The following INPP4B variants were observed in gnomAD, a reference collection of about 807,000 sequenced individuals.
INPP4B encodes inositol polyphosphate 4-phosphatase type II.
A neutral mutation model predicts 122.5 loss-of-function variants in INPP4B; 55 were observed. The ratio of observed to expected loss-of-function variants is 0.45; its 90% CI spans 0.36 to 0.56. The LOEUF is 0.56. Ranked by LOEUF, INPP4B falls within the 20% of genes least tolerant of loss-of-function variation. INPP4B has a pLI of 0.00. For synonymous variants in INPP4B, 403 were observed against 388.7 expected, an observed-to-expected ratio of 1.04 and a Z score of -0.43; for missense variants, 1,000 against 1,097.7, an observed-to-expected ratio of 0.91 and a Z score of 1.26.
At chr4:142,301,392 G>C (rs1287331057) in intron 9 of INPP4B, among the ~76,000 whole-genome samples, 5 of 152,160 alleles carry the variant, frequency 3.3e-5, no homozygotes, top group Middle Eastern at 3.4e-3. Context: ...AAATGGACAA[G>C]GAAGAAAAAA....
At chr4:142,806,514 G>A (rs1169753360) in intron 1 of INPP4B, among the ~76,000 whole-genome samples, 1 of 151,772 alleles carries the variant, frequency 6.6e-6, no homozygotes, top group Non-Finnish European at 1.5e-5. Context: ...GGCCAAGGGG[G>A]GTGAATCACT....
At chr4:142,132,459 A>AT (rs771445917) in intron 18 of INPP4B, among the ~76,000 whole-genome samples, 61 of 151,666 alleles carry the variant, frequency 4.0e-4, no homozygotes, top group African/African-American at 6.5e-4. Flanking sequence ...CGCAGTCAAT[A>AT]TTTTTTTTTA....
At chr4:142,275,344 A>G (rs1579557017) in intron 9 of INPP4B, among the ~76,000 whole-genome samples, 1 of 151,898 alleles carries the variant, frequency 6.6e-6, no homozygotes, top group Non-Finnish European at 1.5e-5. Flanking sequence ...AAACCAAAAA[A>G]TGACTCTGTA....
chr4:142,482,096 A>G (rs1041088527), intron 2 of INPP4B, among the ~76,000 whole-genome samples: 1 of 152,168 alleles, frequency 6.6e-6, no homozygotes, highest in Non-Finnish European at 1.5e-5. Flanking sequence ...TTTGACTGTT[A>G]TGTCTAAATG....
chr4:142,139,144 G>A (rs1806351339), intron 18 of INPP4B, among the ~76,000 whole-genome samples: 1 of 152,208 alleles, frequency 6.6e-6, no homozygotes, highest in South Asian at 2.1e-4. Context: ...CCTGGATACA[G>A]TGACTGGAAC....
At chr4:142,511,072 A>C (rs948237995) in intron 2 of INPP4B, among the ~76,000 whole-genome samples, 5 of 152,104 alleles carry the variant, frequency 3.3e-5, no homozygotes, top group Non-Finnish European at 7.4e-5. Flanking sequence ...GTTGTATTAA[A>C]ATTTTCAAAT....
At chr4:142,179,664 A>G (rs559009561) in intron 15 of INPP4B, among the ~76,000 whole-genome samples, 1 of 152,080 alleles carries the variant, frequency 6.6e-6, no homozygotes, top group Non-Finnish European at 1.5e-5. Flanking sequence ...TTAGTTTGCA[A>G]GTTCTTACTT....
intron 2 of INPP4B, among the ~76,000 whole-genome samples, chr4:142,501,788 A>G (rs1669830474): frequency 1.3e-5 from 2 of 152,150 alleles, no homozygotes; most frequent in Admixed American, 6.6e-5. Context: ...TTAAAAGTCC[A>G]GAAGTTGGAA....
intron 25 of INPP4B, among the ~76,000 whole-genome samples, chr4:142,075,107 TC>T (rs891951324): frequency 1.3e-5 from 2 of 152,076 alleles, no homozygotes; most frequent in Non-Finnish European, 2.9e-5. Context: ...GCATAGTAAG[TC>T]CTCATTGACT....
At chr4:142,249,918 C>T (rs574907139) in intron 11 of INPP4B, among the ~76,000 whole-genome samples, 1 of 152,290 alleles carries the variant, frequency 6.6e-6, no homozygotes, top group East Asian at 1.9e-4. Flanking sequence ...TTCCACCTCA[C>T]CTCCAATAGA....
chr4:142,175,277 T>G (rs1827593782), intron 15 of INPP4B, among the ~76,000 whole-genome samples: 1 of 152,118 alleles, frequency 6.6e-6, no homozygotes, highest in East Asian at 1.9e-4. Context: ...TAGGAAAAAC[T>G]GACATCTAGG....
chr4:142,775,938 G>T (rs1438671002), intron 1 of INPP4B, among the ~76,000 whole-genome samples: 1 of 151,978 alleles, frequency 6.6e-6, no homozygotes, highest in African/African-American at 2.4e-5. Flanking sequence ...TGCTTTTTCT[G>T]CATCAACTGA....
At chr4:142,399,585 T>G (rs1198159182) in intron 7 of INPP4B, among the ~76,000 whole-genome samples, 4 of 152,196 alleles carry the variant, frequency 2.6e-5, no homozygotes, top group African/African-American at 7.2e-5. Flanking sequence ...AATGATGTCC[T>G]GAAAATACTT....
chr4:142,228,354 G>A (rs1326043561), intron 12 of INPP4B, among the ~76,000 whole-genome samples: 1 of 151,794 alleles, frequency 6.6e-6, no homozygotes, highest in South Asian at 2.1e-4. Flanking sequence ...AAATCTATAG[G>A]AACAAAACTA....
chr4:142,570,637 A>G (rs1164701288), intron 2 of INPP4B, among the ~76,000 whole-genome samples: 2 of 152,064 alleles, frequency 1.3e-5, no homozygotes, highest in African/African-American at 2.4e-5. Flanking sequence ...TATTTAAAGA[A>G]GAATAAAAAA....
chr4:142,642,644 A>G (rs1449341514), intron 2 of INPP4B, among the ~76,000 whole-genome samples: 3 of 152,212 alleles, frequency 2.0e-5, no homozygotes, highest in Admixed American at 1.3e-4. Flanking sequence ...TTTTGGTACC[A>G]GTACCATGCT....
At chr4:142,310,127 T>G (rs985772601) in intron 8 of INPP4B, among the ~76,000 whole-genome samples, 4 of 147,266 alleles carry the variant, frequency 2.7e-5, no homozygotes, top group South Asian at 4.3e-4. Context: ...AAGCACAGGT[T>G]TTTTTTTTTT....
intron 7 of INPP4B, among the ~76,000 whole-genome samples, chr4:142,348,890 C>T (rs935961210): frequency 6.6e-6 from 1 of 151,998 alleles, no homozygotes; most frequent in African/African-American, 2.4e-5. Context: ...TCGCAGCCAG[C>T]TCAGTGCAGG....
chr4:142,214,685 T>C (rs915578532), intron 12 of INPP4B, among the ~76,000 whole-genome samples: 2 of 152,184 alleles, frequency 1.3e-5, no homozygotes, highest in Non-Finnish European at 2.9e-5. Flanking sequence ...ACCATGTAGC[T>C]GGGACTACAG....
Sources: allele counts gnomAD v4.1 joint callset (sites outside exome capture counted in the v4.1 genomes callset), GRCh38; gene constraint gnomAD v4.1.1; transcripts MANE v1.5; gene names NCBI Gene and HGNC (gene_info 2026-07-23, HGNC 2026-07-21).